The following KCNC1 variants were observed in gnomAD, a reference collection of about 807,000 sequenced individuals.
KCNC1 encodes voltage-gated potassium channel KCNC1.
A neutral mutation model predicts 43.4 loss-of-function variants in KCNC1; 8 were observed. The ratio of observed to expected loss-of-function variants is 0.18; its 90% CI spans 0.11 to 0.33. KCNC1 has a LOEUF of 0.33. KCNC1 is among the 10% of genes least tolerant of loss of function. The pLI is 1.00. For synonymous variants in KCNC1, 361 were observed against 360.5 expected, an observed-to-expected ratio of 1.00 and a Z score of -0.01; for missense variants, 420 against 836.0, an observed-to-expected ratio of 0.50 and a Z score of 6.14.
rs1290360443 is a variant in KCNC1, at chr11:17,755,850, G to A, written c.571-15815G>A. 2.0e-5 allele frequency among the ~76,000 whole-genome samples: 3 copies of A among 152,130 alleles called. No homozygotes were observed. In the East Asian group the frequency reaches 5.8e-4, roughly 29 times the overall value. The stretch of plus-strand genomic sequence containing the variant: ...GCTGTTTATGGGTATTTGAATGATG[G>A]TGGCCTTTAAGTCATAAAACTGGGT... On this transcript the variant is annotated intron_variant, in intron 1 of 3. Coordinates refer to ENST00000265969, the MANE Select transcript of KCNC1 (RefSeq NM_001112741.2).
At position 17,771,909 on chromosome 11, in the gene KCNC1, A is replaced by T. The variant is rs1849234565; in HGVS notation, c.815A>T (p.Glu272Val). ...MRVIFCPNKV[E>V]FIKNSLNIID... ...GTCATCTTCTGCCCCAACAAGGTAG[A>T]GTTCATCAAGAACTCGCTCAACATC... is the stretch of plus-strand genomic sequence containing the variant. Residue 272 changes from glutamate to valine, a missense_variant, in exon 2 of 4, where the codon GAG (glutamate) becomes GTG (valine). Coordinates refer to ENST00000265969, the MANE Select transcript of KCNC1 (RefSeq NM_001112741.2). The surrounding 1 kb of genome is among the most constrained non-coding windows in gnomAD (Gnocchi z 4.7). 4 of 1,614,220 alleles carry T rather than the reference A, an allele frequency of 2.5e-6. No homozygotes were observed. The highest frequency in any genetic ancestry group is 3.4e-6 in the Non-Finnish European group (4 of 1,180,022).
chr11:17,776,294 G>T lies in KCNC1; in HGVS notation c.1505-3162G>T. ...GTTCCCTGCTCGTGTCTCACAGACTGTCCCCATTTAGCCTGAGACTTTTTT... is the reference window on the plus strand; with the variant it reads ...GTTCCCTGCTCGTGTCTCACAGACTTTCCCCATTTAGCCTGAGACTTTTTT... On this transcript the variant is annotated intron_variant, in intron 2 of 3. Transcript: ENST00000265969. The surrounding 1 kb of genome is among the most constrained non-coding windows in gnomAD (Gnocchi z 4.4). The T allele has an allele frequency of 3.0e-6, 3 of 985,268 alleles. No homozygotes were observed. The highest frequency in any genetic ancestry group is 3.6e-6 in the Non-Finnish European group (3 of 829,932). 61.0% of individuals were successfully genotyped at this position (985,268 alleles called of 1,614,324 possible).
chr11:17,776,842 T>C lies in KCNC1; in HGVS notation c.1505-2614T>C. On this transcript the variant is annotated intron_variant, in intron 2 of 3. Coordinates refer to ENST00000265969, the MANE Select transcript of KCNC1 (RefSeq NM_001112741.2). The surrounding 1 kb of genome is among the most constrained non-coding windows in gnomAD (Gnocchi z 4.4). ...CTTTCTTCAAGCCACCCCTCTGGAG[T>C]TGGGGAGGGAGAATGCCCCAGTTTC... is the stretch of plus-strand genomic sequence containing the variant. 1 of 985,254 alleles carries C rather than the reference T, an allele frequency of 1.0e-6. No homozygotes were observed. The highest frequency in any genetic ancestry group is 1.2e-6 in the Non-Finnish European group (1 of 830,058). 61.0% of individuals were successfully genotyped at this position (985,254 alleles called of 1,614,324 possible).
chr11:17,768,618 G>GGC (rs1554991054), intron 1 of KCNC1, among the ~76,000 whole-genome samples: 4 of 151,868 alleles, frequency 2.6e-5, no homozygotes, highest in Non-Finnish European at 4.4e-5. Context: ...TTGGTGGGGG[G>GGC]GGGGGCGGTT....
intron 1 of KCNC1, among the ~76,000 whole-genome samples, chr11:17,743,313 A>C (rs991027121): frequency 6.6e-6 from 1 of 152,156 alleles, no homozygotes; most frequent in African/African-American, 2.4e-5. Context: ...CCTCCTGTCC[A>C]TGTTCCAGGG....
intron 1 of KCNC1, among the ~76,000 whole-genome samples, chr11:17,743,906 G>T (rs1002321112): frequency 9.8e-5 from 15 of 152,306 alleles, no homozygotes; most frequent in African/African-American, 3.6e-4. Flanking sequence ...GGAGTGAGGG[G>T]TATGCACTGG....
rs1396679230 is a variant in KCNC1 at position 17,781,970 on chromosome 11, G to C, written c.*236G>C. 4 of 453,650 alleles carry C rather than the reference G, an allele frequency of 8.8e-6. No homozygotes were observed. Among genetic ancestry groups the C allele is most frequent in the Non-Finnish European group, 1.5e-5 (4 of 258,912 alleles). The allele number at this position is 453,650 out of a possible 1,614,324, so 28.1% of individuals were successfully genotyped here. On this transcript the variant is annotated 3_prime_UTR_variant, in exon 4 of 4. Coordinates refer to ENST00000265969, the MANE Select transcript of KCNC1 (RefSeq NM_001112741.2). This position sits in a 1 kb window ranked among gnomAD's most constrained non-coding sequence, Gnocchi z 5.1. ...AAAATTTTATTTTATTTGGGGAGGG[G>C]GGGTGGAGGGGCTCCTTAGCATGAC...
At chr11:17,740,409 G>A (rs1194331156) in intron 1 of KCNC1, among the ~76,000 whole-genome samples, 1 of 152,172 alleles carries the variant, frequency 6.6e-6, no homozygotes, top group African/African-American at 2.4e-5. Flanking sequence ...CAACCTTTGA[G>A]GGGCAGGGAG....
chr11:17,775,193 A>G, intron 2 of KCNC1: 6 of 985,628 alleles, frequency 6.1e-6, no homozygotes, highest in Non-Finnish European at 7.2e-6. Context: ...AAGGCAGTCT[A>G]GTGGCCTCGC....
In KCNC1 at chr11:17,781,969, G is replaced by T. The variant is rs182866846; in HGVS notation, c.*235G>T. On this transcript the variant is annotated 3_prime_UTR_variant, in exon 4 of 4. Coordinates refer to ENST00000265969, the MANE Select transcript of KCNC1 (RefSeq NM_001112741.2). The surrounding 1 kb of genome is among the most constrained non-coding windows in gnomAD (Gnocchi z 5.1). ...TAAAATTTTATTTTATTTGGGGAGG[G>T]GGGGTGGAGGGGCTCCTTAGCATGA... 2 of 454,290 alleles carry T rather than the reference G, an allele frequency of 4.4e-6. No homozygotes were observed. The highest frequency in any genetic ancestry group is 4.0e-5 in the Admixed American group (1 of 24,726). The allele number at this position is 454,290 out of a possible 1,614,324, so 28.1% of individuals were successfully genotyped here.
intron 1 of KCNC1, among the ~76,000 whole-genome samples, chr11:17,741,629 T>C (rs1476393717): frequency 6.6e-6 from 1 of 152,082 alleles, no homozygotes; most frequent in African/African-American, 2.4e-5. Context: ...CTCACGGGCC[T>C]GTCAGATCGC....
rs1348583874 is a variant in KCNC1, at chr11:17,771,227, A to G, written c.571-438A>G. 8.0e-6 allele frequency among the ~76,000 whole-genome samples: 1 copy of G among 125,664 alleles called. No individual in the cohort carries two copies. The highest frequency in any genetic ancestry group is 1.7e-5 in the Non-Finnish European group (1 of 57,582). The allele number at this position is 125,664 out of a possible 152,430, so 82.4% of individuals were successfully genotyped here. On this transcript the variant is annotated intron_variant, in intron 1 of 3. Transcript: ENST00000265969. This position sits in a 1 kb window ranked among gnomAD's most constrained non-coding sequence, Gnocchi z 4.7. ...TAGCTGCCCCCTCTTATTTCTTTGCAAACTTCAGCCCCAGCAGGCTAGCTA... is the reference window on the plus strand; with the variant it reads ...TAGCTGCCCCCTCTTATTTCTTTGCGAACTTCAGCCCCAGCAGGCTAGCTA...
chr11:17,764,485 C>A (rs1274580654), intron 1 of KCNC1, among the ~76,000 whole-genome samples: 1 of 152,158 alleles, frequency 6.6e-6, no homozygotes, highest in Non-Finnish European at 1.5e-5. Flanking sequence ...GTTATGTAGA[C>A]ATGACACACC....
chr11:17,759,819 A>G (rs968045924), intron 1 of KCNC1, among the ~76,000 whole-genome samples: 1 of 152,240 alleles, frequency 6.6e-6, no homozygotes, highest in Non-Finnish European at 1.5e-5. Context: ...AACAGATATA[A>G]TAATAATGAC....
chr11:17,775,948 A>G, intron 2 of KCNC1: 1 of 985,456 alleles, frequency 1.0e-6, no homozygotes, highest in Non-Finnish European at 1.2e-6. Context: ...CCTGCTGGGC[A>G]GCAGTGGCTG....
chr11:17,776,193 TTCTC>T lies in KCNC1; in HGVS notation c.1505-3254_1505-3251del, dbSNP rs1255490668. The T allele has an allele frequency of 3.0e-6, 3 of 985,094 alleles. No homozygotes were observed. In the African/African-American group the frequency reaches 5.2e-5, roughly 17 times the overall value. 61.0% of individuals were successfully genotyped at this position (985,094 alleles called of 1,614,324 possible). The stretch of plus-strand genomic sequence containing the variant: ...TCCGTGTTGTTCACATTTTCTCTCT[TTCTC>T]TCTCTCTCCACTAATCATGTTTCTC... On this transcript the variant is annotated intron_variant, in intron 2 of 3. Coordinates refer to ENST00000265969, the MANE Select transcript of KCNC1 (RefSeq NM_001112741.2). This position sits in a 1 kb window ranked among gnomAD's most constrained non-coding sequence, Gnocchi z 4.4.
rs1416691974 is a variant in KCNC1, at chr11:17,773,427, TAGATGAAAGCGCTAC to T, written c.1504+833_1504+847del. 3.0e-6 allele frequency: 3 copies of T among 984,886 alleles called. No individual in the cohort carries two copies. The East Asian group carries it at 3.4e-4, about 112-fold the overall frequency. 61.0% of individuals were successfully genotyped at this position (984,886 alleles called of 1,614,324 possible). ...GAGGGGGCCACCACCCTGGGCAGCT[TAGATGAAAGCGCTAC>T]AGACCAGCAACAGCCTCCCACCGAG... On this transcript the variant is annotated intron_variant, in intron 2 of 3. Coordinates refer to ENST00000265969, the MANE Select transcript of KCNC1 (RefSeq NM_001112741.2). The surrounding 1 kb of genome is among the most constrained non-coding windows in gnomAD (Gnocchi z 4.1).
chr11:17,739,362 C>CGT lies in KCNC1; in HGVS notation c.570+2826_570+2827dup, dbSNP rs35211986. ...GTGAGAATAAATGTGAGACTCCAGG[C>CGT]GTGTGTGTGTGTGTGTGTGTGTGTG... On this transcript the variant is annotated intron_variant, in intron 1 of 3. Coordinates refer to ENST00000265969, the MANE Select transcript of KCNC1 (RefSeq NM_001112741.2). The surrounding 1 kb of genome is among the most constrained non-coding windows in gnomAD (Gnocchi z 4.2). 0.032 allele frequency among the ~76,000 whole-genome samples: 4,753 copies of CGT among 149,300 alleles called. 207 individuals are homozygous for CGT. The highest frequency in any genetic ancestry group is 0.1 in the African/African-American group (4,092 of 40,126).
chr11:17,738,941 C>T (rs1848800896), intron 1 of KCNC1, among the ~76,000 whole-genome samples: 1 of 152,204 alleles, frequency 6.6e-6, no homozygotes, highest in Admixed American at 6.5e-5. Context: ...CAGTTGAGGA[C>T]ACTGAGGCCC....
Sources: gnomAD v4.1 joint callset for allele counts (sites outside exome capture counted in the v4.1 genomes callset) on GRCh38, gnomAD v4.1.1 for gene constraint, Gnocchi (gnomAD v3.1) non-coding constraint, MANE v1.5 for transcripts, NCBI Gene and HGNC (gene_info 2026-07-23, HGNC 2026-07-21) for gene names.